Variants in TUBGCP2 observed in about 807,000 individuals in gnomAD.
TUBGCP2 encodes tubulin gamma complex component 2.
In TUBGCP2, 55 loss-of-function variants were observed where a neutral mutation model predicts 92.2. The ratio of observed to expected loss-of-function variants is 0.60; its 90% CI spans 0.48 to 0.75. The LOEUF (loss-of-function observed/expected upper bound fraction) is 0.75. Ranked by LOEUF, TUBGCP2 falls within the 30% of genes least tolerant of loss-of-function variation. The probability of loss-of-function intolerance (pLI) is 0.00; values close to 1 mark genes in which losing one functional copy is unlikely to be tolerated. For missense variants in TUBGCP2, 1,093 were observed against 1,188.9 expected (o/e 0.92, Z 1.19); for synonymous variants, 533 against 505.2 (o/e 1.06, Z -0.74).
chr10:133,305,399 C>A (rs905911064), intron 1 of TUBGCP2, among the ~76,000 whole-genome samples: 1 of 152,196 alleles, frequency 6.6e-6, no homozygotes, highest in African/African-American at 2.4e-5. Context: ...CTTTACCCTG[C>A]CCCTTTTGCT....
intron 5 of TUBGCP2, among the ~76,000 whole-genome samples, chr10:133,294,896 G>A (rs1436832274): frequency 2.0e-5 from 3 of 152,212 alleles, no homozygotes; most frequent in South Asian, 2.1e-4. Context: ...TTCTCAGGAT[G>A]ACCAATAAAA....
chr10:133,311,655 TG>T, upstream of TUBGCP2: 1 of 1,413,076 alleles, frequency 7.1e-7, no homozygotes, highest in Non-Finnish European at 9.8e-7. Context: ...TGTTCATTTC[TG>T]GGGAACACAG....
intron 9 of TUBGCP2, 95 bp from the exon 10 acceptor site, chr10:133,289,115 G>A: frequency 1.4e-6 from 2 of 1,382,644 alleles, no homozygotes; most frequent in South Asian, 1.3e-5. Flanking sequence ...AATGGACATT[G>A]AATGGGCTCT....
Position 133,279,890 on chromosome 10 carries a change from T to C in TUBGCP2, c.2585A>G (p.Asn862Ser), listed in dbSNP as rs766195152. 27 of 1,609,516 alleles carry C rather than the reference T, an allele frequency of 1.7e-5. No individual in the cohort carries two copies. Among genetic ancestry groups the C allele is most frequent in the Non-Finnish European group, 2.0e-5 (23 of 1,178,526 alleles). Residue 862 changes from asparagine (N) to serine (S), a missense_variant, in exon 18 of 18, where the codon AAT becomes AGT. By Grantham distance (46) the Asn-to-Ser change is conservative. Coordinates refer to ENST00000252936, the MANE Select transcript of TUBGCP2 (RefSeq NM_006659.4). Reference protein sequence around the residue: ...MASVISRLDFNGFYTERLERL... With the variant: ...MASVISRLDFSGFYTERLERL... ...CTCCAGGCGCTCCGTGTAGAAACCA[T>C]TGAAGTCAAGCCTGTGAGGAAGGAC... is the stretch of plus-strand genomic sequence containing the variant.
At chr10:133,286,560 C>T (rs560683932) in intron 11 of TUBGCP2, among the ~76,000 whole-genome samples, 2 of 152,108 alleles carry the variant, frequency 1.3e-5, no homozygotes, top group African/African-American at 2.4e-5. Context: ...CCAACAGCAC[C>T]GAGGGCGCGT....
chr10:133,310,023 T>C (rs1352116532), upstream of TUBGCP2: 1 of 1,611,140 alleles, frequency 6.2e-7, no homozygotes, highest in African/African-American at 1.3e-5. Flanking sequence ...CCATTGGTGA[T>C]GGGCTCAGAG....
Position 133,278,820 on chromosome 10 carries a change from CCCA to C in TUBGCP2, c.*943_*945del, listed in dbSNP as rs1846888731. 2 of 146,440 alleles carry C rather than the reference CCCA, an allele frequency of 1.4e-5. No homozygotes were observed. The highest frequency in any genetic ancestry group is 4.9e-5 in the African/African-American group (2 of 41,006). 9.1% of individuals were successfully genotyped at this position (146,440 alleles called of 1,614,324 possible). A position where few individuals can be genotyped will look rare whatever the true frequency, so the allele number is the denominator to read the frequency against. ...GGATCCTGTTCTAGCTATCCTTTCT[CCCA>C]ACCTCGCCTCCAGGGCCCTTCCTCA... On this transcript the variant is annotated 3_prime_UTR_variant, in exon 18 of 18. Coordinates refer to ENST00000252936, the MANE Select transcript of TUBGCP2 (RefSeq NM_006659.4).
chr10:133,286,862 G>A (rs182974718), intron 11 of TUBGCP2, among the ~76,000 whole-genome samples: 30 of 152,272 alleles, frequency 2.0e-4, no homozygotes, highest in African/African-American at 7.0e-4. Context: ...GGGGATCAGC[G>A]AAGGCTGCAC....
At position 133,279,898 on chromosome 10, in the gene TUBGCP2, A is replaced by G. The variant is rs753379358; in HGVS notation, c.2577T>C (p.Leu859=). 1 of 1,609,542 alleles carries G rather than the reference A, an allele frequency of 6.2e-7. No individual in the cohort carries two copies. The highest frequency in any genetic ancestry group is 1.7e-5 in the Admixed American group (1 of 59,436). Residue 859 remains leucine, a synonymous_variant, in exon 18 of 18, where the codon CTT becomes CTC. Transcript: ENST00000252936. Reference sequence around the variant, plus strand: ...GCTCCGTGTAGAAACCATTGAAGTCAAGCCTGTGAGGAAGGACAGTGGAGC... The same window carrying G: ...GCTCCGTGTAGAAACCATTGAAGTCGAGCCTGTGAGGAAGGACAGTGGAGC... ...EHGMASVISR[L]DFNGFYTERL... is the part of the protein sequence containing the mutation.
intron 13 of TUBGCP2, 136 bp downstream of exon 13, chr10:133,284,949 C>A: frequency 7.6e-7 from 1 of 1,317,562 alleles, no homozygotes; most frequent in Non-Finnish European, 1.0e-6. Context: ...AAGCCACCAA[C>A]GTGCGCTTCC....
chr10:133,299,586 T>G lies in TUBGCP2; in HGVS notation c.297A>C (p.Gln99His), dbSNP rs373549189. The G allele has an allele frequency of 6.2e-7, 1 of 1,611,172 alleles. No homozygotes were observed. Among genetic ancestry groups the G allele is most frequent in the Non-Finnish European group, 8.5e-7 (1 of 1,178,202 alleles). ...TEDKETLQYLQQNAKERAELA... is the reference protein window; with the variant it reads ...TEDKETLQYLHQNAKERAELA... The stretch of plus-strand genomic sequence containing the variant: ...GCTCAGCTCTTTCTTTTGCATTCTG[T>G]TGTAAGTACTGCAGAGTCTGAAAAC... Residue 99 changes from glutamine (Q) to histidine (H), a missense_variant, in exon 4 of 18, where the codon CAA (glutamine) becomes CAC (histidine). Around this residue, in one of 3 missense-constraint regions of TUBGCP2, gnomAD observed 490 missense variants for 488.5 expected, o/e 1.00. Coordinates refer to ENST00000252936, the MANE Select transcript of TUBGCP2 (RefSeq NM_006659.4).
Position 133,285,729 on chromosome 10 carries a change from A to G in TUBGCP2, c.1723-101T>C, listed in dbSNP as rs1847120994. 2 of 1,187,890 alleles carry G rather than the reference A, an allele frequency of 1.7e-6. No homozygotes were observed. Among genetic ancestry groups the G allele is most frequent in the South Asian group, 4.1e-5 (2 of 48,332 alleles). 73.6% of individuals were successfully genotyped at this position (1,187,890 alleles called of 1,614,324 possible). A position where few individuals can be genotyped will look rare whatever the true frequency, so the allele number is the denominator to read the frequency against. ...CGCTCACAGACCCAGCGCTGACGTAAGGTTCCCTACATTCCGATTCTAAAT... is the reference window on the plus strand; with the variant it reads ...CGCTCACAGACCCAGCGCTGACGTAGGGTTCCCTACATTCCGATTCTAAAT... On this transcript the variant is annotated intron_variant, in intron 11 of 17. Transcript: ENST00000252936. This position sits in a 1 kb window ranked among gnomAD's most constrained non-coding sequence, Gnocchi z 6.8.
intron 8 of TUBGCP2, chr10:133,291,115 A>G (rs931567266): frequency 2.9e-5 from 9 of 315,270 alleles, no homozygotes; most frequent in African/African-American, 1.2e-4. Flanking sequence ...GAATAAGGCC[A>G]TAAGCAGCTG....
chr10:133,289,811 C>CTGCGCCGCGGACGCCAAGTCCCTGCCT lies in TUBGCP2; in HGVS notation c.1360+12_1360+13insAGGCAGGGACTTGGCGTCCGCGGCGCA. Reference sequence around the variant, plus strand: ...GTGCTGCGCACCCCAAGTCCCCGCCCGCTGCGCCGCACCTGTGCTGAGGAT... The same window carrying CTGCGCCGCGGACGCCAAGTCCCTGCCT: ...GTGCTGCGCACCCCAAGTCCCCGCCCTGCGCCGCGGACGCCAAGTCCCTGCCTGCTGCGCCGCACCTGTGCTGAGGAT... On this transcript the variant is annotated intron_variant, in intron 9 of 17. Coordinates refer to ENST00000252936, the MANE Select transcript of TUBGCP2 (RefSeq NM_006659.4). 1 of 1,612,974 alleles carries CTGCGCCGCGGACGCCAAGTCCCTGCCT rather than the reference C, an allele frequency of 6.2e-7. No homozygotes were observed. Among genetic ancestry groups the CTGCGCCGCGGACGCCAAGTCCCTGCCT allele is most frequent in the African/African-American group, 1.3e-5 (1 of 74,596 alleles).
chr10:133,300,039 TG>T lies in TUBGCP2; in HGVS notation c.224del (p.Thr75LysfsTer63). 1.9e-6 allele frequency: 3 copies of T among 1,614,176 alleles called. No homozygotes were observed. The highest frequency in any genetic ancestry group is 2.5e-6 in the Non-Finnish European group (3 of 1,180,030). The stretch of plus-strand genomic sequence containing the variant: ...GGTACACCAGCGGGTCAAGGTTCCT[TG>T]TATTTTTAGATTTCAGTTCATCATA... ...KKYDELKSKN[T>X]RNLDPLVYLL... On this transcript the variant is annotated frameshift_variant, in exon 3 of 18. Transcript: ENST00000252936. LOFTEE classifies it high-confidence loss of function.
rs1367744536 is a variant in TUBGCP2 at position 133,281,449 on chromosome 10, C to T, written c.2410-13G>A. The T allele has an allele frequency of 6.2e-7, 1 of 1,609,744 alleles. No individual in the cohort carries two copies. The highest frequency in any genetic ancestry group is 1.7e-5 in the Admixed American group (1 of 59,986). On this transcript the variant is annotated splice_polypyrimidine_tract_variant and intron_variant, in intron 16 of 17. Transcript: ENST00000252936. ...GCTCAGCCAGGTGCTGGAAAGAAAG[C>T]CGGGGTGCGTGAGCCATGCCCACCC...
rs560822588 is a variant in TUBGCP2 at position 133,297,384 on chromosome 10, C to T, written c.616+568G>A. On this transcript the variant is annotated intron_variant, in intron 5 of 17. Transcript: ENST00000252936. ...CTGCACTTCAGCCTGGGCGACAGAGCGAGATTCCATCTCAAAAGAACTAAA... is the reference window on the plus strand; with the variant it reads ...CTGCACTTCAGCCTGGGCGACAGAGTGAGATTCCATCTCAAAAGAACTAAA... The T allele has an allele frequency of 2.3e-4, 102 of 448,046 alleles. 1 individual carries two copies. Among genetic ancestry groups the T allele is most frequent in the African/African-American group, 1.5e-3 (73 of 49,428 alleles). 27.8% of individuals were successfully genotyped at this position (448,046 alleles called of 1,614,324 possible). A position where few individuals can be genotyped will look rare whatever the true frequency, so the allele number is the denominator to read the frequency against.
chr10:133,302,321 C>G (rs184674247), intron 2 of TUBGCP2: 1 of 219,034 alleles, frequency 4.6e-6, no homozygotes, highest in Non-Finnish European at 9.3e-6. Context: ...AGTGCTCACC[C>G]TGCACCATCC....
chr10:133,309,630 G>C, upstream of TUBGCP2: 1 of 1,256,942 alleles, frequency 8.0e-7, no homozygotes, highest in Non-Finnish European at 1.1e-6. Flanking sequence ...TAGCCTGTTT[G>C]TGAAACTTAA....
Sources: allele counts gnomAD v4.1 joint callset (sites outside exome capture counted in the v4.1 genomes callset), GRCh38; gene constraint gnomAD v4.1.1; regional missense constraint gnomAD v4.1.1; non-coding constraint Gnocchi (gnomAD v3.1); transcripts MANE v1.5; gene names NCBI Gene and HGNC (gene_info 2026-07-23, HGNC 2026-07-21).